Variants in ROBO1 observed in about 807,000 individuals in gnomAD.
ROBO1 encodes roundabout homolog 1.
A neutral mutation model predicts 195.9 loss-of-function variants in ROBO1; 149 were observed. The observed-to-expected ratio is 0.76, with a 90% CI of 0.67 to 0.87. ROBO1 has a LOEUF of 0.87. Ranked by LOEUF, ROBO1 falls within the 40% of genes least tolerant of loss-of-function variation. The pLI, the probability that ROBO1 is intolerant of heterozygous loss-of-function variation, is 0.00. For missense variants in ROBO1, 1,933 were observed against 2,068.3 expected (o/e 0.93, Z 1.27); for synonymous variants, 816 against 733.2 (o/e 1.11, Z -1.82).
chr3:79,371,075 C>T (rs553833770), intron 2 of ROBO1, among the ~76,000 whole-genome samples: 1 of 152,156 alleles, frequency 6.6e-6, no homozygotes, highest in East Asian at 1.9e-4. Context: ...TTTTCTTTAT[C>T]TAGTCTATTA....
At chr3:79,638,453 C>T (rs545252997) in intron 1 of ROBO1, among the ~76,000 whole-genome samples, 8 of 152,192 alleles carry the variant, frequency 5.3e-5, no homozygotes, top group East Asian at 3.9e-4. Flanking sequence ...TGCAGTGGCA[C>T]GATCTCGGCT....
chr3:78,819,214 A>T (rs1044198821), intron 4 of ROBO1, among the ~76,000 whole-genome samples: 2 of 152,132 alleles, frequency 1.3e-5, no homozygotes, highest in Non-Finnish European at 2.9e-5. Context: ...TTTTCACTCC[A>T]TAGTGTATTT....
At chr3:78,689,594 C>A in intron 8 of ROBO1, among the ~76,000 whole-genome samples, 1 of 151,806 alleles carries the variant, frequency 6.6e-6, no homozygotes, top group East Asian at 1.9e-4. Context: ...GAATGTAAGT[C>A]TTTTTACCTA....
intron 4 of ROBO1, among the ~76,000 whole-genome samples, chr3:78,756,378 A>C (rs1045262662): frequency 1.3e-5 from 2 of 152,200 alleles, no homozygotes; most frequent in African/African-American, 4.8e-5. Flanking sequence ...TAAGGACACA[A>C]GAACTAATAA....
chr3:79,393,388 T>C (rs1360645234), intron 2 of ROBO1, among the ~76,000 whole-genome samples: 2 of 152,204 alleles, frequency 1.3e-5, no homozygotes, highest in African/African-American at 4.8e-5. Flanking sequence ...CTACTCTTCA[T>C]GGTTGAGAAA....
chr3:79,113,770 A>C (rs1322060020), intron 3 of ROBO1, among the ~76,000 whole-genome samples: 2 of 152,142 alleles, frequency 1.3e-5, no homozygotes, highest in Non-Finnish European at 2.9e-5. Flanking sequence ...TCTGCCTCAA[A>C]AAAAAGTCAA....
intron 2 of ROBO1, among the ~76,000 whole-genome samples, chr3:79,537,841 G>A (rs1479592429): frequency 1.3e-5 from 2 of 152,004 alleles, no homozygotes; most frequent in East Asian, 1.9e-4. Context: ...CATGGCACAC[G>A]TAAGCTATGT....
At chr3:79,627,006 C>G (rs548652473) in intron 1 of ROBO1, among the ~76,000 whole-genome samples, 1 of 151,564 alleles carries the variant, frequency 6.6e-6, no homozygotes, top group East Asian at 1.9e-4. Flanking sequence ...TAAGGGATGA[C>G]CTAAACAGAA....
chr3:78,612,026 A>G (rs1451920038), intron 28 of ROBO1, among the ~76,000 whole-genome samples: 1 of 152,166 alleles, frequency 6.6e-6, no homozygotes, highest in Non-Finnish European at 1.5e-5. Flanking sequence ...CTAGCAAACT[A>G]ATACAAGGAT....
At chr3:79,039,726 G>A (rs1407677389) in intron 3 of ROBO1, among the ~76,000 whole-genome samples, 5 of 148,258 alleles carry the variant, frequency 3.4e-5, no homozygotes, top group South Asian at 4.3e-4. Context: ...ACCAGGACCC[G>A]GGAGGCAGAG....
chr3:78,941,177 G>A (rs1189739107), intron 3 of ROBO1, among the ~76,000 whole-genome samples: 4 of 152,094 alleles, frequency 2.6e-5, no homozygotes, highest in African/African-American at 9.7e-5. Context: ...GCCAATAGTT[G>A]TATAATCTGA....
intron 1 of ROBO1, among the ~76,000 whole-genome samples, chr3:79,722,047 C>CA (rs1483726055): frequency 6.6e-6 from 1 of 152,120 alleles, no homozygotes; most frequent in East Asian, 1.9e-4. Flanking sequence ...GATCAGGTGA[C>CA]ATCACTGGGC....
At chr3:79,166,913 T>C (rs904793137) in intron 2 of ROBO1, among the ~76,000 whole-genome samples, 6 of 152,176 alleles carry the variant, frequency 3.9e-5, no homozygotes, top group South Asian at 2.1e-4. Flanking sequence ...GTTTTATGGA[T>C]AGAGGAATAA....
At chr3:79,207,816 G>C (rs569783014) in intron 2 of ROBO1, among the ~76,000 whole-genome samples, 53 of 151,170 alleles carry the variant, frequency 3.5e-4, no homozygotes, top group African/African-American at 6.3e-4. Flanking sequence ...ATCGACTTCG[G>C]TTCATATCTA....
chr3:79,578,978 G>T (rs1232383601), intron 2 of ROBO1, among the ~76,000 whole-genome samples: 2 of 152,136 alleles, frequency 1.3e-5, no homozygotes, highest in Non-Finnish European at 2.9e-5. Flanking sequence ...TGAGGAGCTT[G>T]CGGATTATGT....
At chr3:78,873,459 AT>A (rs552473707) in intron 4 of ROBO1, among the ~76,000 whole-genome samples, 11 of 151,702 alleles carry the variant, frequency 7.3e-5, no homozygotes, top group East Asian at 1.9e-4. Context: ...ATGAATTCCA[AT>A]TTTTTTTTCC....
rs550542793 is a variant in ROBO1, at chr3:79,093,156, G to T, written c.172+32300C>A. 5.9e-5 allele frequency among the ~76,000 whole-genome samples: 9 copies of T among 152,124 alleles called. No homozygotes were observed. The East Asian group carries it at 1.7e-3, about 29-fold the overall frequency. ...CCTTTTTGGTCAACATGGTATCAGT[G>T]GCCTAAATCTATGCTTAAATGTAAG... On this transcript the variant is annotated intron_variant, in intron 3 of 30. Transcript: ENST00000464233.
In ROBO1 at chr3:78,711,630, C is replaced by T. The variant is rs559382921; in HGVS notation, c.1045+2767G>A. Among the ~76,000 whole-genome samples, 252 of 147,238 alleles carry T rather than the reference C, an allele frequency of 1.7e-3. 2 individuals carry two copies. Among genetic ancestry groups the T allele is most frequent in the African/African-American group, 6.2e-3 (243 of 39,406 alleles). ...CCTCCAGAGTAGCTGAGATTACAGCCGCATGCCACCACGCCCAGCTAATTT... is the reference window on the plus strand; with the variant it reads ...CCTCCAGAGTAGCTGAGATTACAGCTGCATGCCACCACGCCCAGCTAATTT... On this transcript the variant is annotated intron_variant, in intron 8 of 30. Transcript: ENST00000464233.
chr3:79,527,610 CAA>C (rs981609053), intron 2 of ROBO1, among the ~76,000 whole-genome samples: 4 of 142,998 alleles, frequency 2.8e-5, no homozygotes, highest in Non-Finnish European at 6.1e-5. Context: ...GAAACATTAG[CAA>C]AAAAAAAAAT....
Sources: allele counts gnomAD v4.1 joint callset (sites outside exome capture counted in the v4.1 genomes callset), GRCh38; gene constraint gnomAD v4.1.1; transcripts MANE v1.5; gene names NCBI Gene and HGNC (gene_info 2026-07-23, HGNC 2026-07-21).